Variants in NEGR1 observed in about 807,000 individuals in gnomAD.
The protein encoded by NEGR1 is IgLON family member 4.
Under a neutral mutation model 40.9 loss-of-function variants are expected in NEGR1, and 10 were observed. That is an observed-to-expected ratio of 0.24 (90% CI 0.15 to 0.42). The LOEUF (loss-of-function observed/expected upper bound fraction) is 0.42. NEGR1 is among the 10% of genes least tolerant of loss of function. The pLI is 1.00. For missense variants in NEGR1, 352 were observed against 438.9 expected, an observed-to-expected ratio of 0.80 and a Z score of 1.77; for synonymous variants, 185 against 166.8, an observed-to-expected ratio of 1.11 and a Z score of -0.84.
intron 6 of NEGR1, 31 bp from the exon 7 acceptor site, chr1:71,407,601 A>T (rs776837265): frequency 1.1e-5 from 18 of 1,607,526 alleles, no homozygotes; most frequent in Non-Finnish European, 1.5e-5. Flanking sequence ...TTAAATCAAA[A>T]TCTAATTTGT....
At chr1:72,147,966 G>T (rs369844441) in intron 1 of NEGR1, among the ~76,000 whole-genome samples, 1 of 152,188 alleles carries the variant, frequency 6.6e-6, no homozygotes, top group African/African-American at 2.4e-5. Context: ...CCTCCCTCCT[G>T]GTTGCTTTCA....
At chr1:71,676,011 C>G (rs2152218) in intron 4 of NEGR1, among the ~76,000 whole-genome samples, 149,687 of 152,220 alleles carry the variant, frequency 0.98, 73,638 homozygotes, top group Middle Eastern at 1. Context: ...TTGACTTCCA[C>G]CATGTTACCT....
intron 6 of NEGR1, among the ~76,000 whole-genome samples, chr1:71,509,552 A>G (rs1396143330): frequency 6.6e-6 from 1 of 152,202 alleles, no homozygotes; most frequent in African/African-American, 2.4e-5. Flanking sequence ...ATACAATTGG[A>G]CCAGGACTTA....
chr1:72,257,771 T>C (rs1168820010), intron 1 of NEGR1, among the ~76,000 whole-genome samples: 1 of 152,182 alleles, frequency 6.6e-6, no homozygotes, highest in Non-Finnish European at 1.5e-5. Context: ...ATCAATTACT[T>C]ACCTGATCAT....
chr1:71,982,941 T>C (rs1417683706), intron 1 of NEGR1, among the ~76,000 whole-genome samples: 1 of 152,166 alleles, frequency 6.6e-6, no homozygotes, highest in African/African-American at 2.4e-5. Flanking sequence ...ACTTCACATA[T>C]GTGGAATTCT....
At chr1:71,439,387 G>A (rs1027637851) in intron 6 of NEGR1, among the ~76,000 whole-genome samples, 1 of 152,092 alleles carries the variant, frequency 6.6e-6, no homozygotes, top group Non-Finnish European at 1.5e-5. Flanking sequence ...TTTTGAGACA[G>A]GATCTGACTC....
intron 1 of NEGR1, among the ~76,000 whole-genome samples, chr1:72,057,489 A>G (rs567359730): frequency 2.0e-5 from 3 of 151,540 alleles, no homozygotes; most frequent in African/African-American, 4.8e-5. Flanking sequence ...AGTTTGCCAG[A>G]AAATAAAAGA....
At chr1:71,551,695 A>G (rs934243048) in intron 6 of NEGR1, among the ~76,000 whole-genome samples, 1 of 151,566 alleles carries the variant, frequency 6.6e-6, no homozygotes, top group African/African-American at 2.4e-5. Context: ...TGTCAGTTTC[A>G]AAACCCTTTT....
At chr1:72,008,095 T>G (rs1223703799) in intron 1 of NEGR1, among the ~76,000 whole-genome samples, 1 of 152,146 alleles carries the variant, frequency 6.6e-6, no homozygotes, top group African/African-American at 2.4e-5. Flanking sequence ...CAAGAACAAA[T>G]ATCACTTTTG....
intron 1 of NEGR1, among the ~76,000 whole-genome samples, chr1:72,207,082 A>G (rs749275690): frequency 2.0e-5 from 3 of 151,770 alleles, no homozygotes; most frequent in Non-Finnish European, 3.0e-5. Flanking sequence ...ATGAAAAAAA[A>G]AAAAAGCACT....
intron 6 of NEGR1, among the ~76,000 whole-genome samples, chr1:71,412,141 C>G (rs147845072): frequency 8.5e-5 from 13 of 152,250 alleles, no homozygotes; most frequent in African/African-American, 3.1e-4. Context: ...GCCTGGCATT[C>G]AGGGACCTCT....
At chr1:72,202,536 A>G (rs1266956567) in intron 1 of NEGR1, among the ~76,000 whole-genome samples, 2 of 152,010 alleles carry the variant, frequency 1.3e-5, no homozygotes, top group Non-Finnish European at 2.9e-5. Context: ...ACTGAACACA[A>G]GTGATAAAGT....
At chr1:71,930,349 T>C (rs983618853) in intron 2 of NEGR1, among the ~76,000 whole-genome samples, 7 of 152,164 alleles carry the variant, frequency 4.6e-5, no homozygotes, top group African/African-American at 1.7e-4. Flanking sequence ...TTTTAACCTA[T>C]GAACTATGAA....
intron 2 of NEGR1, among the ~76,000 whole-genome samples, chr1:71,901,733 C>T (rs549444563): frequency 9.6e-4 from 136 of 141,722 alleles, no homozygotes; most frequent in Non-Finnish European, 1.3e-3. Flanking sequence ...TGCAATGGTG[C>T]GATCTCAGCT....
chr1:72,093,690 T>C (rs1461691762), intron 1 of NEGR1, among the ~76,000 whole-genome samples: 1 of 151,620 alleles, frequency 6.6e-6, no homozygotes, highest in African/African-American at 2.4e-5. Flanking sequence ...AAATAGTGAG[T>C]CTCATTTAGG....
intron 2 of NEGR1, among the ~76,000 whole-genome samples, chr1:71,877,980 T>C (rs1200587755): frequency 6.6e-6 from 1 of 152,176 alleles, no homozygotes; most frequent in South Asian, 2.1e-4. Flanking sequence ...TTTAGTGATA[T>C]CAGGATAATG....
intron 1 of NEGR1, among the ~76,000 whole-genome samples, chr1:72,209,448 T>C (rs1653520497): frequency 6.6e-6 from 1 of 151,694 alleles, no homozygotes. Context: ...ATACATTTCT[T>C]GGATAAATCT....
chr1:71,915,904 T>C (rs367655566), intron 2 of NEGR1, among the ~76,000 whole-genome samples: 1 of 152,194 alleles, frequency 6.6e-6, no homozygotes, highest in African/African-American at 2.4e-5. Context: ...TAACAGACTA[T>C]GATAGGACCG....
chr1:71,793,662 T>C (rs1375222541), intron 2 of NEGR1, among the ~76,000 whole-genome samples: 2 of 152,098 alleles, frequency 1.3e-5, no homozygotes, highest in East Asian at 3.9e-4. Flanking sequence ...AAATTTTTAA[T>C]TGCAACATTG....
Sources: gnomAD v4.1 joint callset for allele counts (sites outside exome capture counted in the v4.1 genomes callset) on GRCh38, gnomAD v4.1.1 for gene constraint, MANE v1.5 for transcripts, NCBI Gene and HGNC (gene_info 2026-07-23, HGNC 2026-07-21) for gene names.